PPM1L: variants seen among roughly 807,000 people sequenced by gnomAD.
PPM1L encodes the protein protein phosphatase, Mg2+/Mn2+ dependent 1L.
In PPM1L, 13 loss-of-function variants were observed where a neutral mutation model predicts 31.4. The observed-to-expected ratio is 0.41, with a 90% CI of 0.27 to 0.66. The LOEUF is 0.66. Among genes scored for constraint, PPM1L ranks in the 30% least tolerant of loss-of-function variants. PPM1L has a pLI of 0.29. For synonymous variants in PPM1L, 184 were observed against 175.4 expected, an observed-to-expected ratio of 1.05 and a Z score of -0.39; for missense variants, 326 against 453.7, an observed-to-expected ratio of 0.72 and a Z score of 2.56.
intron 1 of PPM1L, among the ~76,000 whole-genome samples, chr3:160,959,375 A>C (rs1184385704): frequency 6.6e-6 from 1 of 152,198 alleles, no homozygotes; most frequent in African/African-American, 2.4e-5. Context: ...GGGTGCACCA[A>C]AATCTCAGAA....
chr3:161,044,589 C>T (rs1719002060), intron 2 of PPM1L, among the ~76,000 whole-genome samples: 1 of 151,794 alleles, frequency 6.6e-6, no homozygotes, highest in African/African-American at 2.4e-5. Flanking sequence ...TTTGTCACCA[C>T]CAGGCCTGCC....
At chr3:160,783,371 G>A (rs187781582) in intron 1 of PPM1L, among the ~76,000 whole-genome samples, 87 of 152,260 alleles carry the variant, frequency 5.7e-4, no homozygotes, top group Middle Eastern at 3.4e-3. Flanking sequence ...AAGCCAAGGC[G>A]GGCGGATGAC....
intron 1 of PPM1L, among the ~76,000 whole-genome samples, chr3:160,956,288 A>T (rs1715772279): frequency 6.6e-6 from 1 of 152,168 alleles, no homozygotes; most frequent in Non-Finnish European, 1.5e-5. Flanking sequence ...AGCACCTTTT[A>T]TGCCCTGCCT....
intron 2 of PPM1L, among the ~76,000 whole-genome samples, chr3:161,010,598 C>A (rs1487910923): frequency 1.3e-5 from 2 of 152,228 alleles, no homozygotes; most frequent in African/African-American, 4.8e-5. Flanking sequence ...GGAATTGCCA[C>A]ACTGTCTTCC....
intron 2 of PPM1L, among the ~76,000 whole-genome samples, chr3:161,015,290 A>G (rs1718049461): frequency 1.3e-5 from 2 of 152,192 alleles, no homozygotes; most frequent in South Asian, 4.1e-4. Flanking sequence ...CTGAAACATG[A>G]CTGTGCCACT....
intron 1 of PPM1L, among the ~76,000 whole-genome samples, chr3:160,819,124 T>G (rs989271971): frequency 6.6e-6 from 1 of 152,010 alleles, no homozygotes. Flanking sequence ...AAAATGATAT[T>G]CTGAGTCTAA....
chr3:161,001,112 A>G (rs1553753463), intron 2 of PPM1L, among the ~76,000 whole-genome samples: 1 of 152,224 alleles, frequency 6.6e-6, no homozygotes, highest in Non-Finnish European at 1.5e-5. Context: ...TCTAGTAACA[A>G]TAATCATTTG....
chr3:160,892,450 C>T (rs1373727975), intron 1 of PPM1L, among the ~76,000 whole-genome samples: 1 of 152,170 alleles, frequency 6.6e-6, no homozygotes, highest in Non-Finnish European at 1.5e-5. Context: ...CAACCAGGCC[C>T]TACCTCCAAC....
chr3:161,013,740 C>T (rs989938516), intron 2 of PPM1L, among the ~76,000 whole-genome samples: 3 of 152,094 alleles, frequency 2.0e-5, no homozygotes. Context: ...TAGGATAGTT[C>T]GGTCTTCTTG....
At chr3:160,932,993 C>T (rs1714836112) in intron 1 of PPM1L, among the ~76,000 whole-genome samples, 1 of 152,120 alleles carries the variant, frequency 6.6e-6, no homozygotes, top group African/African-American at 2.4e-5. Flanking sequence ...TTAAAACAAG[C>T]AGAATGGAAT....
intron 1 of PPM1L, among the ~76,000 whole-genome samples, chr3:160,951,524 G>T (rs1715576531): frequency 6.6e-6 from 1 of 152,180 alleles, no homozygotes; most frequent in Non-Finnish European, 1.5e-5. Context: ...TACAGGGTAA[G>T]ATCTAGAAAA....
At chr3:160,773,816 A>G (rs151016113) in intron 1 of PPM1L, among the ~76,000 whole-genome samples, 1 of 151,604 alleles carries the variant, frequency 6.6e-6, no homozygotes, top group Non-Finnish European at 1.5e-5. Flanking sequence ...TTTTTGTTGG[A>G]TCTTACTTTC....
At position 161,069,195 on chromosome 3, in the gene PPM1L, TTTC is replaced by T; in HGVS notation, c.*39_*41del. ...TCTCAGCTGCCTTAGACTAAAGGACTTTCAACACACTGGTCTCTTTTAATTTAG... is the reference window on the plus strand; with the variant it reads ...TCTCAGCTGCCTTAGACTAAAGGACTAACACACTGGTCTCTTTTAATTTAG... On this transcript the variant is annotated 3_prime_UTR_variant, in exon 4 of 4. Transcript: ENST00000498165. 7.0e-7 allele frequency: 1 copy of T among 1,435,616 alleles called. No individual in the cohort carries two copies. The highest frequency in any genetic ancestry group is 9.6e-7 in the Non-Finnish European group (1 of 1,045,394). The allele number at this position is 1,435,616 out of a possible 1,614,324, so 88.9% of individuals were successfully genotyped here. A position where few individuals can be genotyped will look rare whatever the true frequency, so the allele number is the denominator to read the frequency against.
chr3:160,995,549 G>C (rs945697469), intron 2 of PPM1L, among the ~76,000 whole-genome samples: 2 of 152,132 alleles, frequency 1.3e-5, no homozygotes, highest in Non-Finnish European at 2.9e-5. Context: ...TCGAACTCCT[G>C]TCCCCAGGTG....
intron 2 of PPM1L, among the ~76,000 whole-genome samples, chr3:161,030,499 T>C (rs1011814720): frequency 6.6e-6 from 1 of 152,204 alleles, no homozygotes; most frequent in Non-Finnish European, 1.5e-5. Flanking sequence ...TTTTCTGTTA[T>C]CTATAAATCA....
chr3:161,010,551 G>A (rs1717859238), intron 2 of PPM1L, among the ~76,000 whole-genome samples: 1 of 152,308 alleles, frequency 6.6e-6, no homozygotes, highest in African/African-American at 2.4e-5. Context: ...TAATGGGATG[G>A]CTGGGTAAAA....
intron 2 of PPM1L, among the ~76,000 whole-genome samples, chr3:161,028,738 C>G (rs575293395): frequency 6.6e-6 from 1 of 152,138 alleles, no homozygotes; most frequent in South Asian, 2.1e-4. Context: ...AAGGCTCTCC[C>G]GGGTGGTAGA....
chr3:160,768,853 T>A (rs1715176557), intron 1 of PPM1L, among the ~76,000 whole-genome samples: 1 of 152,174 alleles, frequency 6.6e-6, no homozygotes, highest in Admixed American at 6.6e-5. Context: ...ATCTAACAGC[T>A]CAATAACTTC....
rs371932102 is a variant in PPM1L, at chr3:160,952,940, G to A, written c.400-8796G>A. Among the ~76,000 whole-genome samples the A allele has an allele frequency of 2.0e-5, 3 of 152,226 alleles. No individual in the cohort carries two copies. In the East Asian group the frequency reaches 5.8e-4, roughly 29 times the overall value. ...AGATTATAATTGTGTGTGTTCATGT[G>A]TATTAAATAAAATGGAGGGGGAAAG... is the stretch of plus-strand genomic sequence containing the variant. On this transcript the variant is annotated intron_variant, in intron 1 of 3. Coordinates refer to ENST00000498165, the MANE Select transcript of PPM1L (RefSeq NM_139245.4).
Sources: allele counts gnomAD v4.1 joint callset (sites outside exome capture counted in the v4.1 genomes callset), GRCh38; gene constraint gnomAD v4.1.1; transcripts MANE v1.5; gene names NCBI Gene and HGNC (gene_info 2026-07-23, HGNC 2026-07-21).